The following CACNA1E variants were observed in gnomAD, a reference collection of about 807,000 sequenced individuals.
The protein encoded by CACNA1E is voltage-dependent R-type calcium channel subunit alpha-1E.
In CACNA1E, 40 loss-of-function variants were observed where a neutral mutation model predicts 259.2. The ratio of observed to expected loss-of-function variants is 0.15; its 90% CI spans 0.12 to 0.20. CACNA1E has a LOEUF of 0.20. Ranked by LOEUF, CACNA1E falls within the 10% of genes least tolerant of loss-of-function variation. The pLI is 1.00. For synonymous variants in CACNA1E, 1,104 were observed against 1,138.5 expected (o/e 0.97, Z 0.61); for missense variants, 1,874 against 3,040.1 (o/e 0.62, Z 9.02).
At chr1:181,745,355 A>G (rs756772867) in intron 25 of CACNA1E, 2 of 493,746 alleles carry the variant, frequency 4.1e-6, no homozygotes, top group African/African-American at 4.0e-5. Flanking sequence ...AATTAACAGC[A>G]TGAAATTGGG....
chr1:181,513,832 G>A (rs1399873874), intron 3 of CACNA1E, among the ~76,000 whole-genome samples: 1 of 152,190 alleles, frequency 6.6e-6, no homozygotes, highest in East Asian at 1.9e-4. Context: ...GCTTGGCTGA[G>A]TCAGTTGTCC....
intron 1 of CACNA1E, among the ~76,000 whole-genome samples, chr1:181,338,634 C>T (rs572187351): frequency 1.3e-5 from 2 of 151,744 alleles, no homozygotes; most frequent in Admixed American, 1.3e-4. Flanking sequence ...TTGGATTTTC[C>T]TTTGCTGTTC....
chr1:181,753,755 C>T lies in CACNA1E; in HGVS notation c.3829-1482C>T, dbSNP rs568720878. Among the ~76,000 whole-genome samples the T allele has an allele frequency of 5.9e-5, 9 of 152,320 alleles. No individual in the cohort carries two copies. The South Asian group carries it at 1.7e-3, about 28-fold the overall frequency. On this transcript the variant is annotated intron_variant, in intron 27 of 47. Coordinates refer to ENST00000367573, the MANE Select transcript of CACNA1E (RefSeq NM_001205293.3). ...ACGCCTACCCCAGACCTCCTTCAGG[C>T]CTCATAGCACTGCTTCCCTTTCAGC...
chr1:181,509,684 G>A (rs564258280), intron 1 of CACNA1E, among the ~76,000 whole-genome samples: 1 of 152,230 alleles, frequency 6.6e-6, no homozygotes, highest in South Asian at 2.1e-4. Flanking sequence ...TTTTGAAAAG[G>A]CACAGGGAGC....
intron 7 of CACNA1E, among the ~76,000 whole-genome samples, chr1:181,692,618 G>T (rs929369518): frequency 6.6e-6 from 1 of 151,986 alleles, no homozygotes; most frequent in African/African-American, 2.4e-5. Flanking sequence ...AAATGAAACT[G>T]GACCCTTACC....
intron 22 of CACNA1E, 146 bp from the exon 23 acceptor site, chr1:181,737,379 T>G: frequency 6.9e-6 from 6 of 864,184 alleles, no homozygotes; most frequent in East Asian, 2.7e-5. Context: ...GGGTGGTGGC[T>G]GAGAAATTAA....
chr1:181,677,553 G>C (rs552008864), intron 7 of CACNA1E, among the ~76,000 whole-genome samples: 1 of 152,304 alleles, frequency 6.6e-6, no homozygotes, highest in Non-Finnish European at 1.5e-5. Flanking sequence ...CACTTGGCTA[G>C]TGTGCAATTT....
chr1:181,434,782 A>G (rs1659966123), intron 2 of CACNA1E, among the ~76,000 whole-genome samples: 1 of 152,178 alleles, frequency 6.6e-6, no homozygotes, highest in Non-Finnish European at 1.5e-5. Flanking sequence ...AACACTTCGG[A>G]GCTCAGGGTG....
intron 40 of CACNA1E, among the ~76,000 whole-genome samples, 184 bp downstream of exon 40, chr1:181,783,968 G>C (rs1477981476): frequency 6.6e-6 from 1 of 152,180 alleles, no homozygotes; most frequent in Admixed American, 6.5e-5. Flanking sequence ...ACAGTGAATG[G>C]TTTGATAATC....
At chr1:181,638,080 C>A (rs537785106) in intron 6 of CACNA1E, among the ~76,000 whole-genome samples, 10 of 152,232 alleles carry the variant, frequency 6.6e-5, no homozygotes, top group Non-Finnish European at 1.5e-4. Flanking sequence ...AGAGACAGGG[C>A]AAGATGTGTT....
At chr1:181,421,727 C>T (rs1196347291) in intron 2 of CACNA1E, among the ~76,000 whole-genome samples, 1 of 152,126 alleles carries the variant, frequency 6.6e-6, no homozygotes, top group Non-Finnish European at 1.5e-5. Context: ...AGTGGTAAGC[C>T]CTGTCAATAA....
At chr1:181,328,459 T>A (rs1650971173) in intron 1 of CACNA1E, among the ~76,000 whole-genome samples, 1 of 152,204 alleles carries the variant, frequency 6.6e-6, no homozygotes, top group Admixed American at 6.5e-5. Flanking sequence ...GCAAGCCTTT[T>A]TCAGTTCTCT....
intron 1 of CACNA1E, among the ~76,000 whole-genome samples, chr1:181,397,420 C>G (rs989955029): frequency 1.3e-5 from 2 of 152,046 alleles, no homozygotes; most frequent in African/African-American, 2.4e-5. Context: ...CCTGCCTCAG[C>G]CTTCCAAGTA....
intron 2 of CACNA1E, among the ~76,000 whole-genome samples, chr1:181,440,721 G>A (rs147856098): frequency 3.9e-5 from 6 of 152,158 alleles, no homozygotes; most frequent in Non-Finnish European, 8.8e-5. Context: ...TCAGCACTTC[G>A]GGAGGCTGCG....
rs923316506 is a variant in CACNA1E, at chr1:181,794,917, G to A, written c.6081G>A (p.Lys2027=). The stretch of plus-strand genomic sequence containing the variant: ...GTTCATTTTCCACTATTCGGGATAA[G>A]CGTTCAAATTCCTCGTGGTTGGAGG... ...MRRSFSTIRD[K]RSNSSWLEEF... is the part of the protein sequence containing the mutation. Residue 2027 remains lysine (K), a synonymous_variant, in exon 46 of 48, where the codon AAG becomes AAA. Transcript: ENST00000367573. 6 of 1,613,824 alleles carry A rather than the reference G, an allele frequency of 3.7e-6. No individual in the cohort carries two copies. Among genetic ancestry groups the A allele is most frequent in the Non-Finnish European group, 5.1e-6 (6 of 1,179,850 alleles).
chr1:181,584,100 C>T (rs1379666303), intron 6 of CACNA1E, among the ~76,000 whole-genome samples: 2 of 152,106 alleles, frequency 1.3e-5, no homozygotes, highest in Non-Finnish European at 2.9e-5. Flanking sequence ...TTCTCTTTGT[C>T]ATTATAGTTT....
At chr1:181,528,170 T>C (rs2102712976) in intron 3 of CACNA1E, among the ~76,000 whole-genome samples, 1 of 151,062 alleles carries the variant, frequency 6.6e-6, no homozygotes. Context: ...AATTGAATCA[T>C]GGGGGCTGGA....
chr1:181,628,578 T>TA (rs1239772770), intron 6 of CACNA1E, among the ~76,000 whole-genome samples: 5 of 152,288 alleles, frequency 3.3e-5, no homozygotes, highest in Admixed American at 6.5e-5. Flanking sequence ...GGCTGAATGA[T>TA]AGTGATCATT....
chr1:181,569,172 T>C (rs2102927135), intron 3 of CACNA1E, among the ~76,000 whole-genome samples: 1 of 152,366 alleles, frequency 6.6e-6, no homozygotes, highest in East Asian at 1.9e-4. Flanking sequence ...TGTATGTCTC[T>C]TTCATTAAGT....
Sources: gnomAD v4.1 joint callset for allele counts (sites outside exome capture counted in the v4.1 genomes callset) on GRCh38, gnomAD v4.1.1 for gene constraint, MANE v1.5 for transcripts, NCBI Gene and HGNC (gene_info 2026-07-23, HGNC 2026-07-21) for gene names.